ARL15: variants seen among roughly 807,000 people sequenced by gnomAD.
The protein encoded by ARL15 is ADP-ribosylation factor-like protein 15.
Under a neutral mutation model 25.2 loss-of-function variants are expected in ARL15, and 19 were observed. The observed-to-expected ratio is 0.75, with a 90% confidence interval of 0.53 to 1.10. The LOEUF (loss-of-function observed/expected upper bound fraction) is 1.10. ARL15 is among the 50% of genes least tolerant of loss of function. The pLI is 0.00. For missense variants in ARL15, 220 were observed against 246.0 expected (o/e 0.89, Z 0.71); for synonymous variants, 94 against 86.8 (o/e 1.08, Z -0.46).
At chr5:54,222,705 A>G (rs762192399) in intron 1 of ARL15, among the ~76,000 whole-genome samples, 10 of 152,218 alleles carry the variant, frequency 6.6e-5, no homozygotes, top group Non-Finnish European at 1.0e-4. Context: ...GTGGAGGAGC[A>G]GTAGGAAACT....
chr5:54,157,366 G>A (rs1056958656), intron 2 of ARL15, among the ~76,000 whole-genome samples: 2 of 152,122 alleles, frequency 1.3e-5, no homozygotes, highest in Non-Finnish European at 2.9e-5. Flanking sequence ...CTACTAAAAC[G>A]TCTTCAAAAG....
intron 4 of ARL15, among the ~76,000 whole-genome samples, chr5:53,987,121 T>C (rs1337453397): frequency 6.6e-6 from 1 of 152,150 alleles, no homozygotes; most frequent in African/African-American, 2.4e-5. Context: ...CCATGGTGTC[T>C]AGGCAGGAAC....
chr5:53,890,310 T>C (rs1007467146), intron 4 of ARL15, among the ~76,000 whole-genome samples: 1 of 152,188 alleles, frequency 6.6e-6, no homozygotes, highest in Non-Finnish European at 1.5e-5. Flanking sequence ...ACATCTGACG[T>C]TATTTTTAAG....
chr5:54,213,341 C>T (rs1351367925), intron 1 of ARL15, among the ~76,000 whole-genome samples: 3 of 152,150 alleles, frequency 2.0e-5, no homozygotes, highest in African/African-American at 7.2e-5. Context: ...TCTAGCTAGA[C>T]GACTAACTGA....
At chr5:54,076,415 C>T (rs564604459) in intron 4 of ARL15, among the ~76,000 whole-genome samples, 28 of 148,116 alleles carry the variant, frequency 1.9e-4, no homozygotes, top group African/African-American at 5.5e-4. Context: ...AGCGAGACTC[C>T]GTCTCAAGAA....
At chr5:54,185,241 T>C (rs916606449) in intron 1 of ARL15, among the ~76,000 whole-genome samples, 5 of 152,104 alleles carry the variant, frequency 3.3e-5, no homozygotes, top group African/African-American at 9.7e-5. Flanking sequence ...TCCATGTCAG[T>C]AAAGGGGCTG....
intron 1 of ARL15, among the ~76,000 whole-genome samples, chr5:54,308,399 AT>A (rs149775973): frequency 4.6e-5 from 7 of 151,944 alleles, no homozygotes; most frequent in Admixed American, 1.3e-4. Flanking sequence ...CAAAATAATG[AT>A]TTTTTTTAAA....
At chr5:53,926,304 G>C (rs1355177968) in intron 4 of ARL15, among the ~76,000 whole-genome samples, 8 of 152,106 alleles carry the variant, frequency 5.3e-5, no homozygotes, top group Non-Finnish European at 1.0e-4. Flanking sequence ...GCCATCTGGT[G>C]AGAACTGGGA....
At chr5:54,243,678 C>A (rs1757016000) in intron 1 of ARL15, among the ~76,000 whole-genome samples, 1 of 152,212 alleles carries the variant, frequency 6.6e-6, no homozygotes, top group South Asian at 2.1e-4. Flanking sequence ...CCAAAGGGGG[C>A]AGCAGTCACT....
At chr5:54,237,385 G>T (rs1295867209) in intron 1 of ARL15, among the ~76,000 whole-genome samples, 1 of 152,120 alleles carries the variant, frequency 6.6e-6, no homozygotes, top group African/African-American at 2.4e-5. Context: ...AGCAGCATGA[G>T]AATGGACTAA....
At chr5:54,008,413 G>C (rs183164917) in intron 4 of ARL15, among the ~76,000 whole-genome samples, 1 of 152,152 alleles carries the variant, frequency 6.6e-6, no homozygotes, top group African/African-American at 2.4e-5. Flanking sequence ...CAAAGCACTG[G>C]ATTATGTTAT....
At chr5:54,221,893 C>T (rs529515930) in intron 1 of ARL15, among the ~76,000 whole-genome samples, 1 of 151,662 alleles carries the variant, frequency 6.6e-6, no homozygotes, top group Non-Finnish European at 1.5e-5. Flanking sequence ...CACATGTGTG[C>T]ATGCACAGTG....
intron 2 of ARL15, among the ~76,000 whole-genome samples, chr5:54,163,111 G>C (rs1173044485): frequency 6.6e-6 from 1 of 151,904 alleles, no homozygotes; most frequent in African/African-American, 2.4e-5. Context: ...GTCAAAAATT[G>C]ATGCTGAGTT....
intron 4 of ARL15, among the ~76,000 whole-genome samples, chr5:53,900,225 A>C (rs994366791): frequency 1.3e-5 from 2 of 152,224 alleles, no homozygotes; most frequent in African/African-American, 4.8e-5. Flanking sequence ...GCAGGATACA[A>C]ATGCTGAAAG....
intron 2 of ARL15, among the ~76,000 whole-genome samples, chr5:54,163,272 T>C (rs1456952217): frequency 6.6e-6 from 1 of 151,706 alleles, no homozygotes; most frequent in Non-Finnish European, 1.5e-5. Flanking sequence ...TATTATCCTA[T>C]TAAAATATTA....
chr5:53,950,987 C>T (rs556823144), intron 4 of ARL15, among the ~76,000 whole-genome samples: 6 of 152,182 alleles, frequency 3.9e-5, no homozygotes, highest in Non-Finnish European at 8.8e-5. Flanking sequence ...ATCCAGCCCA[C>T]TCCCTGTTTT....
At chr5:54,126,074 C>A (rs542234811) in intron 3 of ARL15, among the ~76,000 whole-genome samples, 1 of 152,216 alleles carries the variant, frequency 6.6e-6, no homozygotes, top group South Asian at 2.1e-4. Flanking sequence ...CCTCAGAGTG[C>A]ACAGATCTCC....
At chr5:54,310,407 C>T in intron 1 of ARL15, 25 bp downstream of exon 1, 2 of 1,604,394 alleles carry the variant, frequency 1.2e-6, no homozygotes, top group Admixed American at 3.4e-5. Flanking sequence ...CGAGAGGCGA[C>T]ATGCCACCCC....
chr5:54,109,189 G>A (rs1752669047), intron 4 of ARL15, among the ~76,000 whole-genome samples: 2 of 151,922 alleles, frequency 1.3e-5, no homozygotes, highest in Admixed American at 1.3e-4. Context: ...CTGTGTTAAT[G>A]AGCCGTGGAA....
Sources: allele counts gnomAD v4.1 joint callset (sites outside exome capture counted in the v4.1 genomes callset), GRCh38; gene constraint gnomAD v4.1.1; transcripts MANE v1.5; gene names NCBI Gene and HGNC (gene_info 2026-07-23, HGNC 2026-07-21).